The following PACRG variants were observed in gnomAD, a reference collection of about 807,000 sequenced individuals.
PACRG encodes the protein parkin coregulated, also known as parkin coregulated gene protein.
PACRG carries 29 observed loss-of-function variants against 29.7 expected under a neutral mutation model. The ratio of observed to expected loss-of-function variants is 0.98; its 90% CI spans 0.73 to 1.33. The LOEUF (loss-of-function observed/expected upper bound fraction) is 1.33. PACRG is among the 40% of genes most tolerant of loss of function. The pLI is 0.00. For synonymous variants in PACRG, 116 were observed against 118.7 expected, an observed-to-expected ratio of 0.98 and a Z score of 0.15; for missense variants, 279 against 316.2, an observed-to-expected ratio of 0.88 and a Z score of 0.89.
chr6:162,960,432 G>C (rs773064604), intron 2 of PACRG, among the ~76,000 whole-genome samples: 20 of 152,302 alleles, frequency 1.3e-4, no homozygotes, highest in Non-Finnish European at 2.4e-4. Flanking sequence ...GCCTTAAAAA[G>C]AATGAAACTA....
In PACRG at chr6:163,253,851, C is replaced by T. The variant is rs73601562; in HGVS notation, c.614-60976C>T. 5.5e-3 allele frequency among the ~76,000 whole-genome samples: 832 copies of T among 152,338 alleles called. 14 individuals are homozygous for T. The highest frequency in any genetic ancestry group is 0.019 in the African/African-American group (792 of 41,582). ...CCTGCTCCTCCAAAGGACGTGCTCC[C>T]GGCCCTGCAGTCACTGAGTGCCACT... On this transcript the variant is annotated intron_variant, in intron 4 of 4. Coordinates refer to ENST00000366888, the MANE Select transcript of PACRG (RefSeq NM_001080379.2).
chr6:162,889,662 G>A (rs1435161896), intron 2 of PACRG, among the ~76,000 whole-genome samples: 1 of 152,232 alleles, frequency 6.6e-6, no homozygotes, highest in African/African-American at 2.4e-5. Context: ...ACAGTCTTTA[G>A]CTGACTTTAG....
chr6:163,261,366 A>C (rs1783318719), intron 4 of PACRG, among the ~76,000 whole-genome samples: 1 of 152,014 alleles, frequency 6.6e-6, no homozygotes, highest in East Asian at 1.9e-4. Flanking sequence ...TCTAGGTTTT[A>C]AACCCCGCAT....
intron 4 of PACRG, among the ~76,000 whole-genome samples, chr6:163,305,288 A>G (rs529277482): frequency 2.0e-4 from 31 of 152,378 alleles, no homozygotes; most frequent in Non-Finnish European, 3.5e-4. Flanking sequence ...CTTTCCCAAC[A>G]TAAGTGACTT....
intron 2 of PACRG, among the ~76,000 whole-genome samples, chr6:162,839,666 C>T (rs1200231017): frequency 6.6e-6 from 1 of 151,966 alleles, no homozygotes; most frequent in African/African-American, 2.4e-5. Context: ...GAAGTCCTTG[C>T]CCATGCCTAT....
At chr6:162,989,842 C>G (rs895764343) in intron 2 of PACRG, among the ~76,000 whole-genome samples, 1 of 151,534 alleles carries the variant, frequency 6.6e-6, no homozygotes, top group African/African-American at 2.4e-5. Flanking sequence ...CACCCACTAA[C>G]TCGTCATCTA....
rs1810441872 is a variant in PACRG, at chr6:163,055,124, A to G, written c.292-7026A>G. Among the ~76,000 whole-genome samples the G allele has an allele frequency of 6.6e-6, 1 of 152,176 alleles. No individual in the cohort carries two copies. The highest frequency in any genetic ancestry group is 1.5e-5 in the Non-Finnish European group (1 of 68,032). ...GGTTAAAGAGGGAACGGGAATGAGG[A>G]AGCAAGGACAGTGATGATAAAGAAT... On this transcript the variant is annotated intron_variant, in intron 2 of 4. Coordinates refer to ENST00000366888, the MANE Select transcript of PACRG (RefSeq NM_001080379.2). This position sits in a 1 kb window ranked among gnomAD's most constrained non-coding sequence, Gnocchi z 4.0.
chr6:163,126,343 A>G (rs1816513033), intron 4 of PACRG, among the ~76,000 whole-genome samples: 1 of 152,116 alleles, frequency 6.6e-6, no homozygotes. Context: ...AAACACTAGA[A>G]CCACCCATGG....
intron 4 of PACRG, among the ~76,000 whole-genome samples, chr6:163,126,970 C>A (rs1459956227): frequency 2.0e-5 from 3 of 152,202 alleles, no homozygotes; most frequent in Non-Finnish European, 4.4e-5. Flanking sequence ...GAGCCCCTCC[C>A]CATCTCTCAC....
At chr6:163,072,043 A>C (rs1326944380) in intron 3 of PACRG, among the ~76,000 whole-genome samples, 4 of 15,122 alleles carry the variant, frequency 2.6e-4, no homozygotes, top group East Asian at 2.3e-3. Flanking sequence ...ACTATTCCCA[A>C]AAAAAAAATA....
chr6:162,994,772 C>A lies in PACRG; in HGVS notation c.292-67378C>A, dbSNP rs9458707. On this transcript the variant is annotated intron_variant, in intron 2 of 4. Transcript: ENST00000366888. ...AGTCATTCTCCATCCAGCTTTGTTC[C>A]GTTGCTGGTAAGGAACTGCGTTCCT... Among the ~76,000 whole-genome samples, 273 of 150,604 alleles carry A rather than the reference C, an allele frequency of 1.8e-3. 1 individual carries two copies. The highest frequency in any genetic ancestry group is 3.4e-3 in the Middle Eastern group (1 of 294).
chr6:163,067,093 T>G (rs1362432836), intron 3 of PACRG, among the ~76,000 whole-genome samples: 1 of 152,200 alleles, frequency 6.6e-6, no homozygotes, highest in Non-Finnish European at 1.5e-5. Flanking sequence ...GACCTTTGAC[T>G]TTAAGATCTA....
chr6:163,134,747 A>C (rs751004564), intron 4 of PACRG, among the ~76,000 whole-genome samples: 9 of 152,194 alleles, frequency 5.9e-5, no homozygotes, highest in Non-Finnish European at 1.3e-4. Context: ...AACAACTACT[A>C]CTACTAATGG....
chr6:163,057,183 T>C (rs374032934), intron 2 of PACRG, among the ~76,000 whole-genome samples: 4 of 152,324 alleles, frequency 2.6e-5, no homozygotes, highest in East Asian at 3.9e-4. Context: ...GGTTCCTCTT[T>C]AGACTTGCAG....
At chr6:163,297,128 A>G (rs1433892862) in intron 4 of PACRG, among the ~76,000 whole-genome samples, 1 of 152,204 alleles carries the variant, frequency 6.6e-6, no homozygotes, top group Non-Finnish European at 1.5e-5. Context: ...TCTTCCTGCG[A>G]CGAAGCTTTG....
intron 2 of PACRG, among the ~76,000 whole-genome samples, chr6:163,008,757 T>G (rs148840496): frequency 6.6e-6 from 1 of 150,782 alleles, no homozygotes; most frequent in Admixed American, 6.6e-5. Context: ...CTGAGAAATG[T>G]TTGAATTGGG....
intron 2 of PACRG, among the ~76,000 whole-genome samples, chr6:162,857,002 G>A (rs1469615410): frequency 2.0e-5 from 3 of 152,110 alleles, no homozygotes; most frequent in Non-Finnish European, 2.9e-5. Flanking sequence ...TGCTTGGGAC[G>A]GGATCAGACA....
chr6:162,727,277 GAGGTGAGGGGCGA>G (rs1309206255), upstream of PACRG: 5 of 228,530 alleles, frequency 2.2e-5, no homozygotes, highest in South Asian at 1.4e-4. Flanking sequence ...ACCGGCCAGT[GAGGTGAGGGGCGA>G]AGGTGAGGGG....
intron 4 of PACRG, among the ~76,000 whole-genome samples, chr6:163,302,370 C>T (rs1247841323): frequency 2.0e-5 from 3 of 151,840 alleles, no homozygotes; most frequent in Non-Finnish European, 2.9e-5. Context: ...TGCATTAATA[C>T]ACTTGGGGCA....
Sources: gnomAD v4.1 joint callset for allele counts (sites outside exome capture counted in the v4.1 genomes callset) on GRCh38, gnomAD v4.1.1 for gene constraint, Gnocchi (gnomAD v3.1) non-coding constraint, MANE v1.5 for transcripts, NCBI Gene and HGNC (gene_info 2026-07-23, HGNC 2026-07-21) for gene names.